Variants in DTNBP1 observed in about 807,000 individuals in gnomAD.
DTNBP1 encodes the protein dysbindin.
In DTNBP1, 35 loss-of-function variants were observed where a neutral mutation model predicts 42.8. The ratio of observed to expected loss-of-function variants is 0.82; its 90% CI spans 0.63 to 1.09. DTNBP1 has a LOEUF of 1.09. Among genes scored for constraint, DTNBP1 ranks in the 50% least tolerant of loss-of-function variants. The pLI, the probability that DTNBP1 is intolerant of heterozygous loss-of-function variation, is 0.00. For missense variants in DTNBP1, 457 were observed against 424.2 expected (o/e 1.08, Z -0.68); for synonymous variants, 171 against 162.2 (o/e 1.05, Z -0.41).
chr6:15,662,733 G>A, intron 1 of DTNBP1, 81 bp downstream of exon 1: 2 of 1,580,550 alleles, frequency 1.3e-6, no homozygotes, highest in Non-Finnish European at 1.7e-6. Flanking sequence ...ACCGTGGCGC[G>A]GGGAAGGGAG....
At chr6:15,657,816 T>A (rs1412636284) in intron 1 of DTNBP1, among the ~76,000 whole-genome samples, 1 of 152,216 alleles carries the variant, frequency 6.6e-6, no homozygotes, top group Non-Finnish European at 1.5e-5. Context: ...GATATTCTAT[T>A]ATTAGGCACT....
chr6:15,584,145 C>G (rs751751269), intron 7 of DTNBP1, among the ~76,000 whole-genome samples: 1 of 151,896 alleles, frequency 6.6e-6, no homozygotes, highest in Admixed American at 6.6e-5. Context: ...TTTAAAAAAA[C>G]GAATATACAC....
At chr6:15,606,772 C>A (rs1758082792) in intron 6 of DTNBP1, among the ~76,000 whole-genome samples, 1 of 152,110 alleles carries the variant, frequency 6.6e-6, no homozygotes, top group Non-Finnish European at 1.5e-5. Flanking sequence ...TTATCGTTTT[C>A]TTCAGAGTAA....
intron 6 of DTNBP1, among the ~76,000 whole-genome samples, chr6:15,613,752 C>T (rs1758564456): frequency 1.3e-5 from 2 of 152,080 alleles, no homozygotes; most frequent in Non-Finnish European, 2.9e-5. Flanking sequence ...CTGGAAAATT[C>T]GCACACATAC....
chr6:15,539,682 G>A (rs952146824), intron 7 of DTNBP1, among the ~76,000 whole-genome samples: 6 of 152,182 alleles, frequency 3.9e-5, no homozygotes, highest in East Asian at 3.8e-4. Context: ...TCTAGGAGGC[G>A]TTCTCAACAC....
chr6:15,524,614 C>CT lies in DTNBP1; in HGVS notation c.722_723insA (p.Met241IlefsTer33). The stretch of plus-strand genomic sequence containing the variant: ...CCTGGTCCGATATGTCCATCAGGTC[C>CT]ATCTGCTCCAGCATGTCCACGTTCA... On this transcript the variant is annotated frameshift_variant, in exon 9 of 10. Transcript: ENST00000344537. LOFTEE classifies it high-confidence loss of function. 1 of 1,613,938 alleles carries CT rather than the reference C, an allele frequency of 6.2e-7. No homozygotes were observed. The highest frequency in any genetic ancestry group is 1.7e-5 in the Admixed American group (1 of 60,012).
intron 7 of DTNBP1, among the ~76,000 whole-genome samples, chr6:15,547,997 T>C (rs1191170842): frequency 1.3e-5 from 2 of 152,202 alleles, no homozygotes; most frequent in African/African-American, 4.8e-5. Flanking sequence ...AAGTGAGATG[T>C]GAGAAAGTGA....
chr6:15,660,741 G>C (rs986244080), intron 1 of DTNBP1, among the ~76,000 whole-genome samples: 1 of 152,166 alleles, frequency 6.6e-6, no homozygotes, highest in African/African-American at 2.4e-5. Flanking sequence ...GCCCACTCCA[G>C]AATCTACATT....
intron 8 of DTNBP1, among the ~76,000 whole-genome samples, chr6:15,530,623 T>G (rs889611990): frequency 2.6e-5 from 4 of 151,990 alleles, no homozygotes; most frequent in Admixed American, 6.6e-5. Context: ...CAACAGAAGC[T>G]GCTCCTTCCA....
intron 7 of DTNBP1, among the ~76,000 whole-genome samples, chr6:15,550,370 T>G (rs1008032740): frequency 1.3e-5 from 2 of 152,228 alleles, no homozygotes; most frequent in African/African-American, 4.8e-5. Flanking sequence ...ATGAATTCAG[T>G]AGCACTTTAC....
intron 7 of DTNBP1, among the ~76,000 whole-genome samples, chr6:15,557,374 G>A (rs562155810): frequency 2.0e-5 from 3 of 151,662 alleles, no homozygotes; most frequent in Non-Finnish European, 4.4e-5. Context: ...AAGAAATTCT[G>A]TGTGTAAACA....
chr6:15,611,617 T>G (rs1758409852), intron 6 of DTNBP1, among the ~76,000 whole-genome samples: 1 of 152,236 alleles, frequency 6.6e-6, no homozygotes, highest in South Asian at 2.1e-4. Context: ...CCATTAAGAA[T>G]GTTCATAATT....
chr6:15,652,580 C>G (rs1218172346), intron 1 of DTNBP1, among the ~76,000 whole-genome samples: 5 of 151,458 alleles, frequency 3.3e-5, no homozygotes, highest in African/African-American at 1.2e-4. Context: ...CAAAAGACAA[C>G]AAATATTTGA....
intron 7 of DTNBP1, among the ~76,000 whole-genome samples, chr6:15,591,110 CTTT>C (rs1293474353): frequency 5.0e-5 from 7 of 140,020 alleles, no homozygotes; most frequent in Admixed American, 7.1e-5. Flanking sequence ...TTATAGGGTA[CTTT>C]TTTTTTTTTT....
At chr6:15,626,298 C>G (rs1029395173) in intron 5 of DTNBP1, among the ~76,000 whole-genome samples, 6 of 152,204 alleles carry the variant, frequency 3.9e-5, no homozygotes, top group African/African-American at 1.4e-4. Context: ...CTAATCATCT[C>G]TGACATACAG....
At chr6:15,566,086 G>A (rs1005626173) in intron 7 of DTNBP1, among the ~76,000 whole-genome samples, 5 of 151,910 alleles carry the variant, frequency 3.3e-5, no homozygotes, top group African/African-American at 1.2e-4. Flanking sequence ...AGGCCGAGGC[G>A]GGCGGATCAC....
chr6:15,574,052 G>A (rs1003045447), intron 7 of DTNBP1, among the ~76,000 whole-genome samples: 3 of 152,122 alleles, frequency 2.0e-5, no homozygotes, highest in Non-Finnish European at 4.4e-5. Flanking sequence ...GTATTTCACA[G>A]GTACAAACAG....
At chr6:15,531,953 C>T (rs1271736265) in intron 8 of DTNBP1, among the ~76,000 whole-genome samples, 2 of 152,206 alleles carry the variant, frequency 1.3e-5, no homozygotes, top group African/African-American at 4.8e-5. Context: ...TTTCTTTAAC[C>T]TCTCCTTGGA....
At chr6:15,640,955 A>G (rs2113777253) in intron 3 of DTNBP1, among the ~76,000 whole-genome samples, 1 of 152,298 alleles carries the variant, frequency 6.6e-6, no homozygotes, top group African/African-American at 2.4e-5. Flanking sequence ...AAGGTGGGCC[A>G]ATAAGGACCC....
Sources: gnomAD v4.1 joint callset for allele counts (sites outside exome capture counted in the v4.1 genomes callset) on GRCh38, gnomAD v4.1.1 for gene constraint, MANE v1.5 for transcripts, NCBI Gene and HGNC (gene_info 2026-07-23, HGNC 2026-07-21) for gene names.